The following GUCY1A2 variants were observed in gnomAD, a reference collection of about 807,000 sequenced individuals.
The protein encoded by GUCY1A2 is guanylate cyclase soluble subunit alpha-2.
GUCY1A2 carries 27 observed loss-of-function variants against 63.5 expected under a neutral mutation model. That is an observed-to-expected ratio of 0.43 (90% confidence interval 0.31 to 0.59). The LOEUF is 0.59. Ranked by LOEUF, GUCY1A2 falls within the 20% of genes least tolerant of loss-of-function variation. The probability of loss-of-function intolerance (pLI) is 0.11; values close to 1 mark genes in which losing one functional copy is unlikely to be tolerated. For synonymous variants in GUCY1A2, 364 were observed against 343.5 expected, an observed-to-expected ratio of 1.06 and a Z score of -0.66; for missense variants, 768 against 913.3, an observed-to-expected ratio of 0.84 and a Z score of 2.05.
At chr11:106,924,462 G>A (rs1860493487) in intron 4 of GUCY1A2, among the ~76,000 whole-genome samples, 1 of 152,158 alleles carries the variant, frequency 6.6e-6, no homozygotes, top group Admixed American at 6.5e-5. Context: ...ATACACTAGT[G>A]AAGTTTATTT....
At position 106,917,946 on chromosome 11, in the gene GUCY1A2, A is replaced by AG; in HGVS notation, c.1206+21513_1206+21514insC. Among the ~76,000 whole-genome samples the AG allele has an allele frequency of 1.4e-5, 2 of 144,140 alleles. 1 individual carries two copies. The highest frequency in any genetic ancestry group is 4.2e-4 in the East Asian group (2 of 4,710). 94.6% of individuals were successfully genotyped at this position (144,140 alleles called of 152,430 possible). ...TACCCTAAAACTTAAAGTATAAAAA[A>AG]AAAAAAAAGAAATTAGCAAAGCCCA... On this transcript the variant is annotated intron_variant, in intron 4 of 7. Transcript: ENST00000526355.
intron 4 of GUCY1A2, among the ~76,000 whole-genome samples, chr11:106,820,335 G>A (rs1017281762): frequency 1.3e-5 from 2 of 152,100 alleles, no homozygotes; most frequent in African/African-American, 2.4e-5. Flanking sequence ...TCACAGCCAT[G>A]CAACCTTCAG....
chr11:106,878,019 T>C (rs955686845), intron 4 of GUCY1A2, among the ~76,000 whole-genome samples: 6 of 151,396 alleles, frequency 4.0e-5, no homozygotes, highest in African/African-American at 1.5e-4. Flanking sequence ...GCTAACAATA[T>C]ATGAAAAAAA....
chr11:106,954,598 G>T (rs963517987), intron 3 of GUCY1A2, among the ~76,000 whole-genome samples: 1 of 152,158 alleles, frequency 6.6e-6, no homozygotes, highest in Non-Finnish European at 1.5e-5. Flanking sequence ...AATACTGAGA[G>T]TGGGGTGTTA....
rs181216362 is a variant in GUCY1A2, at chr11:106,759,718, G to C, written c.1836+16721C>G. ...GGAGGCCGAGGTGGGCAGATCACCTGAGGTAAGGAGTTCGAGACCAGCCTG... is the reference window on the plus strand; with the variant it reads ...GGAGGCCGAGGTGGGCAGATCACCTCAGGTAAGGAGTTCGAGACCAGCCTG... On this transcript the variant is annotated intron_variant, in intron 6 of 7. Coordinates refer to ENST00000526355, the MANE Select transcript of GUCY1A2 (RefSeq NM_000855.3). Among the ~76,000 whole-genome samples, 596 of 152,328 alleles carry C rather than the reference G, an allele frequency of 3.9e-3. 7 individuals carry two copies. The highest frequency in any genetic ancestry group is 0.014 in the African/African-American group (575 of 41,580).
chr11:106,861,958 AGGG>A (rs1859518768), intron 4 of GUCY1A2, among the ~76,000 whole-genome samples: 1 of 152,016 alleles, frequency 6.6e-6, no homozygotes, highest in South Asian at 2.1e-4. Flanking sequence ...GCAAGTGTTA[AGGG>A]CAGTTTTGGT....
chr11:107,017,146 G>C (rs1372046422), intron 1 of GUCY1A2, among the ~76,000 whole-genome samples: 2 of 152,158 alleles, frequency 1.3e-5, no homozygotes, highest in Non-Finnish European at 2.9e-5. Context: ...AGGACAACTC[G>C]AGATTAGAGA....
chr11:106,787,388 G>A (rs551494378), intron 5 of GUCY1A2, among the ~76,000 whole-genome samples: 1 of 131,104 alleles, frequency 7.6e-6, no homozygotes, highest in African/African-American at 2.9e-5. Context: ...TTCCACAAGT[G>A]AGAACGTGGG....
Position 106,687,555 on chromosome 11 carries a change from G to A in GUCY1A2, c.2193C>T (p.Ser731=), listed in dbSNP as rs1427921384. 2 of 1,612,234 alleles carry A rather than the reference G, an allele frequency of 1.2e-6. No individual in the cohort carries two copies. The highest frequency in any genetic ancestry group is 1.7e-6 in the Non-Finnish European group (2 of 1,178,332). Residue 731 remains serine (S), a synonymous_variant, in exon 8 of 8, where the codon AGC becomes AGT. Coordinates refer to ENST00000526355, the MANE Select transcript of GUCY1A2 (RefSeq NM_000855.3). Reference sequence around the variant, plus strand: ...CTTTGATCTGTAGCAGGTCTCAGAGGCTTGTCTCCCGGAGGAACATGGTGC... The same window carrying A: ...CTTTGATCTGTAGCAGGTCTCAGAGACTTGTCTCCCGGAGGAACATGGTGC... The part of the protein sequence containing the change: ...NIGTMFLRET[S]L
intron 1 of GUCY1A2, among the ~76,000 whole-genome samples, chr11:106,991,598 C>T (rs543964688): frequency 3.7e-3 from 559 of 152,216 alleles, no homozygotes; most frequent in South Asian, 7.5e-3. Context: ...CTGAATAAGT[C>T]GGCATTAATG....
intron 4 of GUCY1A2, among the ~76,000 whole-genome samples, chr11:106,843,133 G>A (rs931876118): frequency 6.6e-6 from 1 of 152,032 alleles, no homozygotes; most frequent in Admixed American, 6.6e-5. Context: ...CTCTGCTTGT[G>A]AAAACAATTG....
At chr11:106,820,116 G>A (rs570781025) in intron 4 of GUCY1A2, among the ~76,000 whole-genome samples, 3 of 152,096 alleles carry the variant, frequency 2.0e-5, no homozygotes, top group Admixed American at 6.5e-5. Context: ...TTAATCATTC[G>A]ATGTGTATGT....
At chr11:106,842,609 C>T (rs940029147) in intron 4 of GUCY1A2, among the ~76,000 whole-genome samples, 2 of 152,000 alleles carry the variant, frequency 1.3e-5, no homozygotes, top group African/African-American at 4.8e-5. Flanking sequence ...CATCATTCAT[C>T]TCTATGAGTT....
At chr11:106,904,290 T>C (rs532965581) in intron 4 of GUCY1A2, among the ~76,000 whole-genome samples, 9 of 152,256 alleles carry the variant, frequency 5.9e-5, no homozygotes, top group African/African-American at 2.2e-4. Context: ...AGTAACATAC[T>C]GAAAGTGTTT....
intron 4 of GUCY1A2, among the ~76,000 whole-genome samples, chr11:106,828,188 T>G (rs1249456445): frequency 1.3e-5 from 2 of 152,170 alleles, no homozygotes; most frequent in Admixed American, 1.3e-4. Flanking sequence ...GTGCAGAAGC[T>G]TTTTAGTTTG....
chr11:106,792,662 C>A (rs1268250791), intron 5 of GUCY1A2, among the ~76,000 whole-genome samples: 2 of 115,544 alleles, frequency 1.7e-5, no homozygotes, highest in African/African-American at 7.3e-5. Context: ...CAATATCATA[C>A]TGAATGGGCA....
intron 6 of GUCY1A2, among the ~76,000 whole-genome samples, chr11:106,765,398 C>G (rs554953389): frequency 2.0e-4 from 31 of 152,208 alleles, no homozygotes; most frequent in Middle Eastern, 6.8e-3. Flanking sequence ...ATTTCTCCTT[C>G]CTCACCAAGT....
At chr11:106,728,990 C>T (rs578123454) in intron 6 of GUCY1A2, among the ~76,000 whole-genome samples, 1 of 152,154 alleles carries the variant, frequency 6.6e-6, no homozygotes, top group South Asian at 2.1e-4. Flanking sequence ...ATTTATTTCA[C>T]TTATTCATTC....
chr11:106,799,462 G>A (rs142092905), intron 5 of GUCY1A2, among the ~76,000 whole-genome samples: 13 of 152,154 alleles, frequency 8.5e-5, no homozygotes, highest in African/African-American at 2.9e-4. Context: ...AACAAAGCTG[G>A]ATGCATCACA....
Sources: allele counts gnomAD v4.1 joint callset (sites outside exome capture counted in the v4.1 genomes callset), GRCh38; gene constraint gnomAD v4.1.1; transcripts MANE v1.5; gene names NCBI Gene and HGNC (gene_info 2026-07-23, HGNC 2026-07-21).